The following KRT80 variants were observed in gnomAD, a reference collection of about 807,000 sequenced individuals.
The protein encoded by KRT80 is keratin, type II cytoskeletal 80.
In KRT80, 36 loss-of-function variants were observed where a neutral mutation model predicts 51.5. That is an observed-to-expected ratio of 0.70 (90% confidence interval 0.54 to 0.92). The LOEUF (loss-of-function observed/expected upper bound fraction) is 0.92, where lower values mean the gene tolerates loss of function less well. KRT80 is among the 40% of genes least tolerant of loss of function. KRT80 has a pLI of 0.00. For synonymous variants in KRT80, 235 were observed against 248.3 expected (o/e 0.95, Z 0.50); for missense variants, 566 against 591.7 (o/e 0.96, Z 0.45).
At chr12:52,173,263 A>G (rs1451559691) in intron 5 of KRT80, 100 bp from the exon 6 acceptor site, 14 of 1,368,702 alleles carry the variant, frequency 1.0e-5, no homozygotes, top group Non-Finnish European at 1.3e-5. Flanking sequence ...TCCCATCTCC[A>G]ACTCTGCAGC....
chr12:52,181,177 C>G (rs111466363), intron 2 of KRT80, among the ~76,000 whole-genome samples: 1 of 152,262 alleles, frequency 6.6e-6, no homozygotes, highest in African/African-American at 2.4e-5. Flanking sequence ...TTCCTCACTC[C>G]CTCCTGATGA....
At chr12:52,179,511 A>T (rs1232248634) in intron 4 of KRT80, among the ~76,000 whole-genome samples, 2 of 151,872 alleles carry the variant, frequency 1.3e-5, no homozygotes, top group Non-Finnish European at 2.9e-5. Flanking sequence ...CACAAACAAG[A>T]CTCAGTTCCA....
At chr12:52,186,820 G>A (rs1047627437) in intron 1 of KRT80, among the ~76,000 whole-genome samples, 10 of 152,022 alleles carry the variant, frequency 6.6e-5, no homozygotes, top group Admixed American at 1.3e-4. Flanking sequence ...AGGGTCCTGC[G>A]CAGTCCTCTC....
chr12:52,175,844 C>T (rs1941209159), intron 4 of KRT80, among the ~76,000 whole-genome samples: 1 of 152,198 alleles, frequency 6.6e-6, no homozygotes, highest in Non-Finnish European at 1.5e-5. Context: ...ACCTCTGCTG[C>T]CCCAGTCACT....
intron 4 of KRT80, among the ~76,000 whole-genome samples, chr12:52,177,759 C>G (rs1234459638): frequency 6.6e-6 from 1 of 151,878 alleles, no homozygotes; most frequent in Non-Finnish European, 1.5e-5. Context: ...GATCTGGTGT[C>G]TGCTCCAAAG....
At chr12:52,175,279 C>T (rs1349901058) in intron 4 of KRT80, among the ~76,000 whole-genome samples, 1 of 152,194 alleles carries the variant, frequency 6.6e-6, no homozygotes, top group Non-Finnish European at 1.5e-5. Flanking sequence ...AGAGTCCCCA[C>T]AGCTGGGTTT....
rs754724385 is a variant in KRT80 at position 52,180,739 on chromosome 12, A to G, written c.571-131T>C. ...GGAGATCTGGCTCAGAGCCTCGAAA[A>G]AGGAGCTGGATGGGGATGGGGGTAT... is the stretch of plus-strand genomic sequence containing the variant. On this transcript the variant is annotated intron_variant, in intron 3 of 8. Transcript: ENST00000394815. 5 of 1,593,314 alleles carry G rather than the reference A, an allele frequency of 3.1e-6. No homozygotes were observed. The South Asian group carries it at 5.6e-5, about 18-fold the overall frequency.
At chr12:52,174,065 C>G (rs925245881) in intron 4 of KRT80, among the ~76,000 whole-genome samples, 1 of 152,226 alleles carries the variant, frequency 6.6e-6, no homozygotes, top group Non-Finnish European at 1.5e-5. Flanking sequence ...CACTGTTGCC[C>G]TCTCCTGGGA....
Position 52,192,005 on chromosome 12 carries a change from G to T in KRT80, c.-103C>A. 8.9e-7 allele frequency: 1 copy of T among 1,118,634 alleles called. No individual in the cohort carries two copies. Among genetic ancestry groups the T allele is most frequent in the South Asian group, 1.7e-5 (1 of 58,814 alleles). 69.3% of individuals were successfully genotyped at this position (1,118,634 alleles called of 1,614,324 possible). Reference sequence around the variant, plus strand: ...GTTGCTCTGGTCACAGCTGGGGCGGGCTGGGGACTGAGGAGCAGACACCTG... The same window carrying T: ...GTTGCTCTGGTCACAGCTGGGGCGGTCTGGGGACTGAGGAGCAGACACCTG... On this transcript the variant is annotated 5_prime_UTR_variant, in exon 1 of 9. Coordinates refer to ENST00000394815, the MANE Select transcript of KRT80 (RefSeq NM_182507.3).
intron 2 of KRT80, among the ~76,000 whole-genome samples, chr12:52,185,101 G>A (rs865849921): frequency 3.3e-5 from 5 of 152,326 alleles, no homozygotes; most frequent in Middle Eastern, 3.4e-3. Flanking sequence ...TTATGATGAT[G>A]CCCAAGGGCC....
At chr12:52,177,723 G>A (rs978492759) in intron 4 of KRT80, among the ~76,000 whole-genome samples, 3 of 151,588 alleles carry the variant, frequency 2.0e-5, no homozygotes, top group South Asian at 4.2e-4. Context: ...CTGTTTTCTG[G>A]GACACAGGGG....
chr12:52,191,889 G>A lies in KRT80; in HGVS notation c.14C>T (p.Ser5Phe). Residue 5 changes from serine (S) to phenylalanine (F), a missense_variant, in exon 1 of 9, where the codon TCC becomes TTC. Physicochemically the swap from Ser to Phe is radical, Grantham distance 155. Coordinates refer to ENST00000394815, the MANE Select transcript of KRT80 (RefSeq NM_182507.3). The stretch of plus-strand genomic sequence containing the variant: ...GAGGCTGCTGAAGCCAACCACGCAG[G>A]AGCGGCAGGCCATGGTGCCCCCGGC... MACR[S>F]CVVGFSSLSS... is the part of the protein sequence containing the mutation. The A allele has an allele frequency of 6.7e-7, 1 of 1,487,154 alleles. No individual in the cohort carries two copies. The highest frequency in any genetic ancestry group is 2.4e-5 in the East Asian group (1 of 41,070). The allele number at this position is 1,487,154 out of a possible 1,614,324, so 92.1% of individuals were successfully genotyped here.
At chr12:52,189,728 C>A (rs1319877009) in intron 1 of KRT80, among the ~76,000 whole-genome samples, 1 of 152,246 alleles carries the variant, frequency 6.6e-6, no homozygotes, top group East Asian at 1.9e-4. Flanking sequence ...GTACCCACAG[C>A]TCCCTGTGTC....
chr12:52,185,793 C>T, intron 1 of KRT80: 1 of 1,117,370 alleles, frequency 8.9e-7, no homozygotes, highest in African/African-American at 1.6e-5. Flanking sequence ...AGGATCAGAG[C>T]AAGGTGGAGC....
chr12:52,180,859 G>C (rs1196636444), intron 3 of KRT80, 44 bp downstream of exon 3: 2 of 1,610,210 alleles, frequency 1.2e-6, no homozygotes, highest in South Asian at 2.2e-5. Flanking sequence ...AGAGGGCCCA[G>C]GGCCCATGAG....
chr12:52,173,712 A>C lies in KRT80; in HGVS notation c.719T>G (p.Met240Arg), dbSNP rs1941163455. The change falls in exon 5 of 9, where the codon ATG becomes AGG. Residue 240 changes from methionine (M) to arginine (R), a missense_variant. Met to Arg is a moderately conservative substitution (Grantham distance 91). Transcript: ENST00000394815. Reference protein sequence around the residue: ...QVKDVSVTVGMDSRCHIDLSG... With the variant: ...QVKDVSVTVGRDSRCHIDLSG... ...CAGGTCGATGTGGCAGCGGCTGTCCATGCCGACGGTCACCGACACATCCTT... is the reference window on the plus strand; with the variant it reads ...CAGGTCGATGTGGCAGCGGCTGTCCCTGCCGACGGTCACCGACACATCCTT... The C allele has an allele frequency of 3.1e-6, 5 of 1,612,428 alleles. No individual in the cohort carries two copies. The highest frequency in any genetic ancestry group is 4.2e-6 in the Non-Finnish European group (5 of 1,180,016).
At position 52,170,666 on chromosome 12, in the gene KRT80, CGG is replaced by C. The variant is rs1941073870; in HGVS notation, c.*730_*731del. On this transcript the variant is annotated 3_prime_UTR_variant, in exon 9 of 9. Transcript: ENST00000394815. ...AGTTGATTATGGCAAGAGCAGCTTC[CGG>C]AGAAGCTGCTGGGAGCTGGCTGGGG... 2 of 152,494 alleles carry C rather than the reference CGG, an allele frequency of 1.3e-5. No individual in the cohort carries two copies. The highest frequency in any genetic ancestry group is 4.1e-4 in the South Asian group (2 of 4,832). The allele number at this position is 152,494 out of a possible 1,614,324, so 9.4% of individuals were successfully genotyped here.
chr12:52,174,306 C>G (rs1406973714), intron 4 of KRT80, among the ~76,000 whole-genome samples: 1 of 152,184 alleles, frequency 6.6e-6, no homozygotes, highest in Non-Finnish European at 1.5e-5. Flanking sequence ...GGGAGGGAAG[C>G]CAGGGAGTGA....
chr12:52,191,388 C>A (rs1446484778), intron 1 of KRT80, among the ~76,000 whole-genome samples: 1 of 152,178 alleles, frequency 6.6e-6, no homozygotes, highest in Non-Finnish European at 1.5e-5. Flanking sequence ...CAAAGGCCAT[C>A]CTGGGGTCCC....
Sources: gnomAD v4.1 joint callset for allele counts (sites outside exome capture counted in the v4.1 genomes callset) on GRCh38, gnomAD v4.1.1 for gene constraint, MANE v1.5 for transcripts, NCBI Gene and HGNC (gene_info 2026-07-23, HGNC 2026-07-21) for gene names.